The following HGSNAT variants were observed in gnomAD, a reference collection of about 807,000 sequenced individuals.
The protein encoded by HGSNAT is heparan-alpha-glucosaminide N-acetyltransferase.
HGSNAT carries 59 observed loss-of-function variants against 85.2 expected under a neutral mutation model. The observed-to-expected ratio is 0.69, with a 90% CI of 0.56 to 0.86. The LOEUF (loss-of-function observed/expected upper bound fraction) is 0.86. HGSNAT is among the 40% of genes least tolerant of loss of function. The pLI, the probability that HGSNAT is intolerant of heterozygous loss-of-function variation, is 0.00. For missense variants in HGSNAT, 756 were observed against 777.1 expected (o/e 0.97, Z 0.32); for synonymous variants, 321 against 304.5 (o/e 1.05, Z -0.56).
chr8:43,170,952 A>T (rs1355835820), intron 7 of HGSNAT, among the ~76,000 whole-genome samples: 1 of 152,138 alleles, frequency 6.6e-6, no homozygotes, highest in East Asian at 1.9e-4. Context: ...CTGCTGAGTG[A>T]AGGGCATTTT....
chr8:43,140,707 C>T (rs539848664), intron 1 of HGSNAT, 93 bp downstream of exon 1: 3 of 573,352 alleles, frequency 5.2e-6, no homozygotes, highest in South Asian at 1.2e-4. Context: ...CGGCGCCGAG[C>T]GCTAGGCCGG....
intron 5 of HGSNAT, among the ~76,000 whole-genome samples, chr8:43,166,040 G>A (rs1803424180): frequency 6.6e-6 from 1 of 152,218 alleles, no homozygotes; most frequent in Non-Finnish European, 1.5e-5. Flanking sequence ...TTAAGCCAAA[G>A]CCTAATCCAG....
At chr8:43,157,814 A>G (rs1803139461) in intron 2 of HGSNAT, among the ~76,000 whole-genome samples, 1 of 151,966 alleles carries the variant, frequency 6.6e-6, no homozygotes, top group Non-Finnish European at 1.5e-5. Context: ...AGTAATAAGA[A>G]CCTCATGTGT....
In HGSNAT at chr8:43,197,895, CT is replaced by C. The variant is rs1804779884; in HGVS notation, c.1670del (p.Leu557ArgfsTer7). The C allele has an allele frequency of 1.2e-6, 2 of 1,613,888 alleles. No homozygotes were observed. The highest frequency in any genetic ancestry group is 1.7e-6 in the Non-Finnish European group (2 of 1,179,888). ...TTTTGCCTTCTTCATCCTGCTGGTC[CT>C]GTACCCAGTTGTGGATGTGAAGGGG... ...SSFAFFILLV[L>X]YPVVDVKGLW... On this transcript the variant is annotated frameshift_variant, in exon 17 of 18. Transcript: ENST00000379644. LOFTEE classifies it high-confidence loss of function.
chr8:43,199,059 G>A (rs540112446), intron 17 of HGSNAT, among the ~76,000 whole-genome samples: 4 of 152,144 alleles, frequency 2.6e-5, no homozygotes, highest in African/African-American at 9.6e-5. Flanking sequence ...ACCCCACCAC[G>A]CCCGGCTAAT....
intron 2 of HGSNAT, 72 bp downstream of exon 2, chr8:43,147,135 C>T: frequency 2.4e-6 from 2 of 823,126 alleles, no homozygotes; most frequent in South Asian, 1.7e-5. Context: ...GCTCTCATGT[C>T]TAAAGCCCTT....
At chr8:43,181,468 A>G (rs1804121220) in intron 10 of HGSNAT, among the ~76,000 whole-genome samples, 1 of 152,066 alleles carries the variant, frequency 6.6e-6, no homozygotes, top group Non-Finnish European at 1.5e-5. Flanking sequence ...GCAGAAGAGG[A>G]CACAAACATC....
At chr8:43,141,076 G>A (rs905643796) in intron 1 of HGSNAT, among the ~76,000 whole-genome samples, 6 of 152,214 alleles carry the variant, frequency 3.9e-5, no homozygotes, top group Non-Finnish European at 7.4e-5. Context: ...CCCCGAGGAC[G>A]TGGCGCCGGA....
chr8:43,143,601 G>A (rs1481787183), intron 1 of HGSNAT, among the ~76,000 whole-genome samples: 1 of 150,948 alleles, frequency 6.6e-6, no homozygotes. Flanking sequence ...GCAGTGGTGC[G>A]AACTCAGCTC....
intron 14 of HGSNAT, 42 bp from the exon 15 acceptor site, chr8:43,196,906 C>G: frequency 8.4e-7 from 1 of 1,189,428 alleles, no homozygotes; most frequent in Admixed American, 1.8e-5. Flanking sequence ...TAAAAATATC[C>G]CTTTGGCGAT....
intron 14 of HGSNAT, chr8:43,196,251 A>G (rs1452105065): frequency 2.9e-6 from 1 of 341,096 alleles, no homozygotes; most frequent in East Asian, 7.8e-5. Context: ...AAAAATGTTG[A>G]TTAATATTAG....
At chr8:43,195,144 A>T (rs916841754) in intron 14 of HGSNAT, among the ~76,000 whole-genome samples, 2 of 151,954 alleles carry the variant, frequency 1.3e-5, no homozygotes, top group African/African-American at 4.8e-5. Flanking sequence ...GGTAGTGCAG[A>T]TCTGAAGCAT....
Position 43,192,383 on chromosome 8 carries a change from C to T in HGSNAT, c.1330C>T (p.Arg444Cys), listed in dbSNP as rs763301637. ...CTGGAAGYID[R>C]LLLGDDHLYQ... ...TGGAGGAGCTGCAGGCTACATCGAC[C>T]GCCTGCTGCTGGGAGACGATCACCT... Residue 444 changes from arginine (R) to cysteine (C), a missense_variant, in exon 13 of 18, where the codon CGC (arginine) becomes TGC (cysteine). By Grantham distance (180) the Arg-to-Cys change is radical (BLOSUM62 -3). Transcript: ENST00000379644. 16 of 1,613,112 alleles carry T rather than the reference C, an allele frequency of 9.9e-6. No homozygotes were observed. The highest frequency in any genetic ancestry group is 3.3e-5 in the Admixed American group (2 of 59,918).
chr8:43,189,118 A>T (rs1804431037), intron 11 of HGSNAT, among the ~76,000 whole-genome samples: 1 of 152,182 alleles, frequency 6.6e-6, no homozygotes, highest in African/African-American at 2.4e-5. Context: ...CCGTTCTCAG[A>T]TCTCAAACTC....
intron 11 of HGSNAT, among the ~76,000 whole-genome samples, chr8:43,189,220 C>T (rs147831193): frequency 0.03 from 4,645 of 152,306 alleles, 242 homozygotes; most frequent in African/African-American, 0.11. Flanking sequence ...CAGCTATGCC[C>T]TGCCCCCAGA....
Position 43,140,600 on chromosome 8 carries a change from C to A in HGSNAT, c.104C>A (p.Ala35Asp). 1 of 1,236,774 alleles carries A rather than the reference C, an allele frequency of 8.1e-7. No homozygotes were observed. Among genetic ancestry groups the A allele is most frequent in the South Asian group, 2.3e-5 (1 of 42,786 alleles). The allele number at this position is 1,236,774 out of a possible 1,614,324, so 76.6% of individuals were successfully genotyped here. The change falls in exon 1 of 18, where the codon GCC (alanine) becomes GAC (aspartate). Residue 35 changes from alanine to aspartate, a missense_variant. Ala to Asp is a moderately radical substitution (Grantham distance 126, BLOSUM62 -2). Coordinates refer to ENST00000379644, the MANE Select transcript of HGSNAT (RefSeq NM_152419.3). The part of the protein sequence containing the change: ...PGGSSGRDAQ[A>D]APPRDLDKKR... Reference sequence around the variant, plus strand: ...GGCTCTTCGGGGCGCGATGCCCAGGCCGCGCCGCCACGAGGTGAGTGCACA... The same window carrying A: ...GGCTCTTCGGGGCGCGATGCCCAGGACGCGCCGCCACGAGGTGAGTGCACA...
intron 11 of HGSNAT, among the ~76,000 whole-genome samples, chr8:43,183,531 C>T (rs894827591): frequency 3.3e-5 from 5 of 150,896 alleles, no homozygotes; most frequent in South Asian, 2.1e-4. Flanking sequence ...AGTGCAGTGG[C>T]GCGATCTGGG....
chr8:43,161,630 A>G, intron 5 of HGSNAT, 123 bp downstream of exon 5: 1 of 632,022 alleles, frequency 1.6e-6, no homozygotes, highest in Non-Finnish European at 2.6e-6. Context: ...TGTGTCCCCC[A>G]TGTCCATCCA....
chr8:43,172,455 C>A, intron 8 of HGSNAT, 69 bp downstream of exon 8: 1 of 1,112,400 alleles, frequency 9.0e-7, no homozygotes, highest in Non-Finnish European at 1.4e-6. Flanking sequence ...AGGAGAATCA[C>A]TCAGCATTCT....
Sources: gnomAD v4.1 joint callset for allele counts (sites outside exome capture counted in the v4.1 genomes callset) on GRCh38, gnomAD v4.1.1 for gene constraint, MANE v1.5 for transcripts, NCBI Gene and HGNC (gene_info 2026-07-23, HGNC 2026-07-21) for gene names.